The following CNOT1 variants were observed in gnomAD, a reference collection of about 807,000 sequenced individuals.
CNOT1 encodes CCR4-NOT transcription complex subunit 1.
Under a neutral mutation model 273.8 loss-of-function variants are expected in CNOT1, and 15 were observed. That is an observed-to-expected ratio of 0.05 (90% confidence interval 0.04 to 0.08). CNOT1 has a LOEUF of 0.08. CNOT1 is among the 10% of genes least tolerant of loss of function. The probability of loss-of-function intolerance (pLI) is 1.00; values close to 1 mark genes in which losing one functional copy is unlikely to be tolerated. For synonymous variants in CNOT1, 1,022 were observed against 1,005.5 expected, an observed-to-expected ratio of 1.02 and a Z score of -0.31; for missense variants, 1,644 against 2,912.2, an observed-to-expected ratio of 0.56 and a Z score of 10.02.
rs2041801322 is a variant in CNOT1, at chr16:58,585,385, G to A, written c.759C>T (p.Ser253=). Residue 253 remains serine, a synonymous_variant, in exon 8 of 49, where the codon AGC becomes AGT. Transcript: ENST00000317147. ...SGGVAKTMME[S]SLADFMQEVG... ...CTTCTTGCATGAAATCAGCCAAAGAGCTCTCCATCATGGTTTTAGCTACCC... is the reference window on the plus strand; with the variant it reads ...CTTCTTGCATGAAATCAGCCAAAGAACTCTCCATCATGGTTTTAGCTACCC... 1 of 1,613,716 alleles carries A rather than the reference G, an allele frequency of 6.2e-7. No individual in the cohort carries two copies. Among genetic ancestry groups the A allele is most frequent in the Admixed American group, 1.7e-5 (1 of 59,970 alleles).
intron 3 of CNOT1, 152 bp downstream of exon 3, chr16:58,588,647 G>A (rs1432516518): frequency 9.4e-7 from 1 of 1,068,250 alleles, no homozygotes; most frequent in African/African-American, 1.6e-5. Flanking sequence ...GGGACGCACA[G>A]AAAAAAAAGG....
Position 58,534,234 on chromosome 16 carries a change from C to T in CNOT1, c.5808G>A (p.Leu1936=), listed in dbSNP as rs1160489399. 1.3e-5 allele frequency: 21 copies of T among 1,614,062 alleles called. No individual in the cohort carries two copies. In the South Asian group the frequency reaches 2.2e-4, roughly 17 times the overall value. ...GTGCAATGAGTCGAACAAAGGCATCCAGGTTGTGATAGCACTTGGCTCGGA... is the reference window on the plus strand; with the variant it reads ...GTGCAATGAGTCGAACAAAGGCATCTAGGTTGTGATAGCACTTGGCTCGGA... ...TMIRAKCYHN[L]DAFVRLIALL... The change falls in exon 40 of 49, where the codon CTG becomes CTA. Residue 1936 remains leucine, a synonymous_variant. Transcript: ENST00000317147.
chr16:58,587,533 T>C (rs1360599108), intron 4 of CNOT1, 120 bp from the exon 5 acceptor site: 3 of 1,374,738 alleles, frequency 2.2e-6, no homozygotes, highest in Non-Finnish European at 2.9e-6. Context: ...GTAGTGTTAC[T>C]AGAAACATTA....
At chr16:58,538,343 T>A in intron 36 of CNOT1, 77 bp from the exon 37 acceptor site, 1 of 750,578 alleles carries the variant, frequency 1.3e-6, no homozygotes, top group Non-Finnish European at 2.4e-6. Context: ...AATGGAAATT[T>A]GCTCCAAACT....
rs78711248 is a variant in CNOT1, at chr16:58,592,909, C to T, written c.103-4003G>A. On this transcript the variant is annotated intron_variant, in intron 2 of 48. Transcript: ENST00000317147. The stretch of plus-strand genomic sequence containing the variant: ...TTAACCATCTAGCCAAAGGAGTGTG[C>T]CGGAAAAGCAGAATGCAGAAGAGGA... Among the ~76,000 whole-genome samples, 702 of 152,062 alleles carry T rather than the reference C, an allele frequency of 4.6e-3. 20 individuals are homozygous for T. Among genetic ancestry groups the T allele is most frequent in the Admixed American group, 0.04 (609 of 15,252 alleles).
At chr16:58,613,107 C>A (rs1380749130) in intron 1 of CNOT1, among the ~76,000 whole-genome samples, 1 of 152,166 alleles carries the variant, frequency 6.6e-6, no homozygotes, top group Non-Finnish European at 1.5e-5. Flanking sequence ...CCTTGGCTCA[C>A]TGTAACCTCC....
chr16:58,622,221 G>C (rs958545410), intron 1 of CNOT1, among the ~76,000 whole-genome samples: 4 of 151,206 alleles, frequency 2.6e-5, no homozygotes, highest in Non-Finnish European at 5.9e-5. Context: ...TGCTGAGGCA[G>C]GAGAATGGCG....
At chr16:58,598,537 C>T (rs768184974) in intron 2 of CNOT1, among the ~76,000 whole-genome samples, 4 of 151,596 alleles carry the variant, frequency 2.6e-5, no homozygotes, top group Non-Finnish European at 5.9e-5. Flanking sequence ...TCACTGCACT[C>T]CAGCCTGAGC....
chr16:58,597,957 C>G (rs980641159), intron 2 of CNOT1: 2 of 235,602 alleles, frequency 8.5e-6, no homozygotes, highest in Admixed American at 1.1e-4. Context: ...GAGCCATCCC[C>G]AACCCTGTTT....
chr16:58,566,590 A>G (rs2041050035), intron 16 of CNOT1, among the ~76,000 whole-genome samples: 1 of 152,224 alleles, frequency 6.6e-6, no homozygotes. Context: ...TATAGAGCAG[A>G]GTGCTTTGGA....
chr16:58,629,456 G>A (rs1015721055), intron 1 of CNOT1, among the ~76,000 whole-genome samples: 14 of 152,086 alleles, frequency 9.2e-5, no homozygotes, highest in African/African-American at 3.4e-4. Flanking sequence ...AGACCACCAT[G>A]GGTCTCACCC....
At chr16:58,627,486 TA>T (rs1281296599) in intron 1 of CNOT1, among the ~76,000 whole-genome samples, 3 of 147,176 alleles carry the variant, frequency 2.0e-5, no homozygotes, top group Non-Finnish European at 4.5e-5. Flanking sequence ...ACATGCAAGG[TA>T]ATTTGAAATC....
intron 8 of CNOT1, among the ~76,000 whole-genome samples, chr16:58,583,617 TA>T (rs1270251571): frequency 6.6e-6 from 1 of 151,972 alleles, no homozygotes; most frequent in Non-Finnish European, 1.5e-5. Flanking sequence ...AGTACTGGAG[TA>T]CAATGGCACA....
Position 58,541,596 on chromosome 16 carries a change from A to G in CNOT1, c.4705T>C (p.Leu1569=), listed in dbSNP as rs774444301. 93 of 1,613,966 alleles carry G rather than the reference A, an allele frequency of 5.8e-5. No individual in the cohort carries two copies. The highest frequency in any genetic ancestry group is 7.5e-5 in the Non-Finnish European group (89 of 1,179,954). The change falls in exon 34 of 49, where the codon TTG becomes CTG. Residue 1569 remains leucine (L), a synonymous_variant. Coordinates refer to ENST00000317147, the MANE Select transcript of CNOT1 (RefSeq NM_016284.5). The stretch of plus-strand genomic sequence containing the variant: ...CGTGCAAACTCTTCGTAAACAGCCA[A>G]CTGCTTTGGGTCCACACCACCAACC... ...LKVGGVDPKQ[L]AVYEEFARNV...
chr16:58,593,018 T>C (rs578177693), intron 2 of CNOT1, among the ~76,000 whole-genome samples: 1 of 152,246 alleles, frequency 6.6e-6, no homozygotes, highest in Admixed American at 6.5e-5. Context: ...CCCAAGATTG[T>C]TGATGTGAAT....
At chr16:58,558,025 C>T (rs2040696745) in intron 18 of CNOT1, among the ~76,000 whole-genome samples, 1 of 151,836 alleles carries the variant, frequency 6.6e-6, no homozygotes, top group Non-Finnish European at 1.5e-5. Flanking sequence ...GAAAAAAAAC[C>T]TTAAAATGTT....
chr16:58,526,552 A>G (rs2039590482), intron 44 of CNOT1, among the ~76,000 whole-genome samples: 1 of 149,588 alleles, frequency 6.7e-6, no homozygotes, highest in Non-Finnish European at 1.5e-5. Context: ...AGCCGGGCGC[A>G]GTGGCTCACG....
chr16:58,629,324 G>C (rs1053125171), intron 1 of CNOT1, among the ~76,000 whole-genome samples: 1 of 152,240 alleles, frequency 6.6e-6, no homozygotes, highest in African/African-American at 2.4e-5. Flanking sequence ...TCAGGGAGCA[G>C]AGACAGAAAC....
intron 10 of CNOT1, among the ~76,000 whole-genome samples, chr16:58,582,123 C>CAAA (rs930219983): frequency 5.0e-5 from 5 of 99,448 alleles, no homozygotes; most frequent in Non-Finnish European, 7.8e-5. Context: ...ACTAAAAATA[C>CAAA]AAAAAAAAAA....
Sources: allele counts gnomAD v4.1 joint callset (sites outside exome capture counted in the v4.1 genomes callset), GRCh38; gene constraint gnomAD v4.1.1; transcripts MANE v1.5; gene names NCBI Gene and HGNC (gene_info 2026-07-23, HGNC 2026-07-21).